NEO1: variants seen among roughly 807,000 people sequenced by gnomAD.
NEO1 encodes neogenin 1.
Under a neutral mutation model 159.7 loss-of-function variants are expected in NEO1, and 63 were observed. That is an observed-to-expected ratio of 0.39 (90% confidence interval 0.32 to 0.49). The LOEUF (loss-of-function observed/expected upper bound fraction) is 0.49. NEO1 is among the 20% of genes least tolerant of loss of function. NEO1 has a pLI of 0.85. For missense variants in NEO1, 1,615 were observed against 1,831.0 expected, an observed-to-expected ratio of 0.88 and a Z score of 2.15; for synonymous variants, 633 against 662.0, an observed-to-expected ratio of 0.96 and a Z score of 0.67.
At chr15:73,232,040 G>C (rs1489792795) in intron 7 of NEO1, among the ~76,000 whole-genome samples, 2 of 152,106 alleles carry the variant, frequency 1.3e-5, no homozygotes, top group African/African-American at 4.8e-5. Flanking sequence ...AAGACATTTT[G>C]TAATGACTGC....
In NEO1 at chr15:73,056,891, G is replaced by A. The variant is rs569271329; in HGVS notation, c.130+4086G>A. Among the ~76,000 whole-genome samples the A allele has an allele frequency of 5.9e-5, 9 of 152,252 alleles. No homozygotes were observed. The East Asian group carries it at 1.7e-3, about 29-fold the overall frequency. ...ATGGCGTTGCTCTGCCTGTCTGTTA[G>A]AATGAGGCACAAAAGAGATCATAGA... On this transcript the variant is annotated intron_variant, in intron 1 of 28. Coordinates refer to ENST00000261908, the MANE Select transcript of NEO1 (RefSeq NM_002499.4).
In NEO1 at chr15:73,068,437, C is replaced by A. The variant is rs1228538989; in HGVS notation, c.130+15632C>A. Among the ~76,000 whole-genome samples, 3 of 152,072 alleles carry A rather than the reference C, an allele frequency of 2.0e-5. No homozygotes were observed. The East Asian group carries it at 5.8e-4, about 29-fold the overall frequency. On this transcript the variant is annotated intron_variant, in intron 1 of 28. Coordinates refer to ENST00000261908, the MANE Select transcript of NEO1 (RefSeq NM_002499.4). ...ATGTTGGCCAGGTTGGTCTTCAACT[C>A]CTGACCTCAAGTCATCCACGTGCCT...
intron 12 of NEO1, among the ~76,000 whole-genome samples, chr15:73,253,745 CTGCAAT>C (rs1194731896): frequency 2.0e-5 from 3 of 152,184 alleles, no homozygotes; most frequent in African/African-American, 7.2e-5. Context: ...TTTAACATTT[CTGCAAT>C]TAAATTGCTC....
chr15:73,244,981 A>AAAAAAAAAAAAAAAAAAAC (rs1426485832), intron 9 of NEO1, among the ~76,000 whole-genome samples: 1 of 148,112 alleles, frequency 6.8e-6, no homozygotes, highest in Non-Finnish European at 1.5e-5. Context: ...AAAAAAAAAA[A>AAAAAAAAAAAAAAAAAAAC]AACAACAGCA....
intron 15 of NEO1, among the ~76,000 whole-genome samples, chr15:73,264,181 G>A (rs1232620666): frequency 6.6e-6 from 1 of 151,214 alleles, no homozygotes; most frequent in African/African-American, 2.4e-5. Context: ...GCAAGACTTT[G>A]TCTGAAAAGA....
chr15:73,074,516 G>A (rs1244365616), intron 1 of NEO1, among the ~76,000 whole-genome samples: 1 of 152,094 alleles, frequency 6.6e-6, no homozygotes, highest in Non-Finnish European at 1.5e-5. Flanking sequence ...TGACTCATAC[G>A]GAGCTGTTAG....
At chr15:73,219,543 A>C (rs1252091963) in intron 7 of NEO1, among the ~76,000 whole-genome samples, 1 of 134,342 alleles carries the variant, frequency 7.4e-6, no homozygotes, top group African/African-American at 2.8e-5. Flanking sequence ...TCCCATTATT[A>C]ATGTGTGGGA....
intron 1 of NEO1, among the ~76,000 whole-genome samples, chr15:73,089,964 G>A (rs2069590347): frequency 6.6e-6 from 1 of 152,104 alleles, no homozygotes; most frequent in African/African-American, 2.4e-5. Flanking sequence ...GACGGACCCA[G>A]TTTACACCAG....
At chr15:73,076,648 C>T (rs2068781589) in intron 1 of NEO1, among the ~76,000 whole-genome samples, 1 of 152,160 alleles carries the variant, frequency 6.6e-6, no homozygotes, top group Non-Finnish European at 1.5e-5. Flanking sequence ...GTATTTCCAA[C>T]TCCCCCAACC....
chr15:73,292,424 GT>G (rs2042195044), intron 25 of NEO1, among the ~76,000 whole-genome samples: 1 of 152,154 alleles, frequency 6.6e-6, no homozygotes, highest in Non-Finnish European at 1.5e-5. Flanking sequence ...TTTGGTGGGG[GT>G]AGAGCTGGTT....
intron 7 of NEO1, among the ~76,000 whole-genome samples, chr15:73,220,158 G>T (rs1334948544): frequency 5.9e-5 from 9 of 151,942 alleles, no homozygotes; most frequent in African/African-American, 1.2e-4. Flanking sequence ...GTCTGTAAAG[G>T]ATTTTATTTC....
At chr15:73,177,476 C>A (rs1391130376) in intron 6 of NEO1, among the ~76,000 whole-genome samples, 2 of 151,998 alleles carry the variant, frequency 1.3e-5, no homozygotes, top group African/African-American at 4.8e-5. Flanking sequence ...GTTAAAATAG[C>A]CTCTTAAAAT....
At chr15:73,143,568 T>C (rs2032614932) in intron 5 of NEO1, 1 of 152,820 alleles carries the variant, frequency 6.5e-6, no homozygotes, top group South Asian at 2.1e-4. Flanking sequence ...GAGGGACCTG[T>C]CAGTGGTTCC....
chr15:73,140,702 C>T (rs2032298628), intron 5 of NEO1, among the ~76,000 whole-genome samples: 2 of 152,086 alleles, frequency 1.3e-5, no homozygotes, highest in African/African-American at 4.8e-5. Flanking sequence ...TTCAAATCTC[C>T]ATCAAAATAC....
chr15:73,100,088 T>C (rs1444748727), intron 1 of NEO1, among the ~76,000 whole-genome samples: 1 of 152,202 alleles, frequency 6.6e-6, no homozygotes, highest in East Asian at 1.9e-4. Flanking sequence ...AATAGCATTT[T>C]CAGTTCTTTA....
At chr15:73,279,583 A>G (rs1054000199) in intron 22 of NEO1, among the ~76,000 whole-genome samples, 1 of 152,002 alleles carries the variant, frequency 6.6e-6, no homozygotes, top group Non-Finnish European at 1.5e-5. Context: ...TCCTGATCTC[A>G]GGTGATCCGC....
chr15:73,186,919 G>C (rs1205842676), intron 7 of NEO1, among the ~76,000 whole-genome samples: 2 of 152,062 alleles, frequency 1.3e-5, no homozygotes, highest in Non-Finnish European at 2.9e-5. Context: ...TGGCTGCTCC[G>C]GTGAAACTTT....
chr15:73,168,898 A>G (rs191307308), intron 5 of NEO1, among the ~76,000 whole-genome samples: 151 of 151,256 alleles, frequency 1.0e-3, no homozygotes, highest in African/African-American at 3.5e-3. Flanking sequence ...TTTTTTTTTT[A>G]AACGGCATAG....
At chr15:73,288,754 A>G (rs1448524819) in intron 24 of NEO1, among the ~76,000 whole-genome samples, 2 of 152,130 alleles carry the variant, frequency 1.3e-5, no homozygotes, top group Non-Finnish European at 2.9e-5. Context: ...CATACGAGAC[A>G]ATCTTGCAGA....
Sources: allele counts gnomAD v4.1 joint callset (sites outside exome capture counted in the v4.1 genomes callset), GRCh38; gene constraint gnomAD v4.1.1; transcripts MANE v1.5; gene names NCBI Gene and HGNC (gene_info 2026-07-23, HGNC 2026-07-21).